The following ZNF804B variants were observed in gnomAD, a reference collection of about 807,000 sequenced individuals.
The protein encoded by ZNF804B is zinc finger protein 804B, also known as zinc finger 804B.
In ZNF804B, 80 loss-of-function variants were observed where a neutral mutation model predicts 101.4. The observed-to-expected ratio is 0.79, with a 90% confidence interval of 0.66 to 0.95. The LOEUF (loss-of-function observed/expected upper bound fraction) is 0.95, where lower values mean the gene tolerates loss of function less well. ZNF804B is among the 40% of genes least tolerant of loss of function. The pLI, the probability that ZNF804B is intolerant of heterozygous loss-of-function variation, is 0.00. For missense variants in ZNF804B, 1,673 were observed against 1,561.9 expected (o/e 1.07, Z -1.20); for synonymous variants, 622 against 558.8 (o/e 1.11, Z -1.59).
At chr7:89,247,419 A>G (rs1006591930) in intron 2 of ZNF804B, among the ~76,000 whole-genome samples, 1 of 152,178 alleles carries the variant, frequency 6.6e-6, no homozygotes, top group African/African-American at 2.4e-5. Flanking sequence ...TATAAGCACC[A>G]TCTACTGGCT....
intron 1 of ZNF804B, among the ~76,000 whole-genome samples, chr7:89,048,246 T>A (rs1417931846): frequency 6.6e-6 from 1 of 150,932 alleles, no homozygotes; most frequent in Non-Finnish European, 1.5e-5. Context: ...TACTCAGCTG[T>A]AAAAAGGAAT....
rs541826132 is a variant in ZNF804B, at chr7:89,058,333, A to G, written c.109-159822A>G. ...CCTTTATGGCTTCTTAATTGTTTAA[A>G]GATCATAAAACAGAAAATTTAGCAC... is the stretch of plus-strand genomic sequence containing the variant. On this transcript the variant is annotated intron_variant, in intron 1 of 3. Coordinates refer to ENST00000333190, the MANE Select transcript of ZNF804B (RefSeq NM_181646.5). Among the ~76,000 whole-genome samples the G allele has an allele frequency of 9.9e-5, 15 of 152,270 alleles. No homozygotes were observed. The East Asian group carries it at 2.9e-3, about 29-fold the overall frequency.
rs1285232926 is a variant in ZNF804B, at chr7:88,998,891, A to G, written c.109-219264A>G. On this transcript the variant is annotated intron_variant, in intron 1 of 3. Coordinates refer to ENST00000333190, the MANE Select transcript of ZNF804B (RefSeq NM_181646.5). ...TGCCAGCTGAAAATATTTCTCAGTA[A>G]AATAGGGCAAAAGGCTTTTACAATA... Among the ~76,000 whole-genome samples the G allele has an allele frequency of 2.0e-5, 3 of 152,026 alleles. No individual in the cohort carries two copies. In the East Asian group the frequency reaches 5.8e-4, roughly 30 times the overall value.
chr7:89,195,708 A>G (rs1788537473), intron 1 of ZNF804B, among the ~76,000 whole-genome samples: 1 of 152,036 alleles, frequency 6.6e-6, no homozygotes. Context: ...AGCAAATCTT[A>G]GGATGCAAAA....
chr7:89,102,278 T>C (rs1223447288), intron 1 of ZNF804B, among the ~76,000 whole-genome samples: 1 of 152,008 alleles, frequency 6.6e-6, no homozygotes, highest in East Asian at 1.9e-4. Flanking sequence ...GTTGAATTAA[T>C]TTGCATTCCC....
At chr7:88,962,580 G>T (rs563000640) in intron 1 of ZNF804B, among the ~76,000 whole-genome samples, 3 of 150,072 alleles carry the variant, frequency 2.0e-5, no homozygotes, top group Non-Finnish European at 3.0e-5. Flanking sequence ...TAAGAATTGG[G>T]GTCTAAGAAT....
At chr7:88,945,088 G>A (rs1562839938) in intron 1 of ZNF804B, among the ~76,000 whole-genome samples, 1 of 151,962 alleles carries the variant, frequency 6.6e-6, no homozygotes, top group Non-Finnish European at 1.5e-5. Flanking sequence ...AAGCTCTTTA[G>A]TTTAATTAGA....
chr7:89,243,685 C>G (rs147433741), intron 2 of ZNF804B, among the ~76,000 whole-genome samples: 1 of 151,442 alleles, frequency 6.6e-6, no homozygotes, highest in Non-Finnish European at 1.5e-5. Context: ...TATTTTCCAG[C>G]GAAGTTTGGA....
intron 2 of ZNF804B, among the ~76,000 whole-genome samples, chr7:89,325,144 C>T (rs549152272): frequency 6.6e-6 from 1 of 152,004 alleles, no homozygotes; most frequent in South Asian, 2.1e-4. Context: ...AGTTTCCTCA[C>T]AGAGATGCAT....
At chr7:89,321,208 C>T (rs187093364) in intron 2 of ZNF804B, among the ~76,000 whole-genome samples, 4 of 152,164 alleles carry the variant, frequency 2.6e-5, no homozygotes, top group South Asian at 4.1e-4. Flanking sequence ...CGGCCAGGCA[C>T]GTTGGCTCAC....
intron 1 of ZNF804B, among the ~76,000 whole-genome samples, chr7:89,098,676 A>G (rs1790006637): frequency 1.3e-5 from 2 of 152,208 alleles, no homozygotes; most frequent in South Asian, 4.1e-4. Context: ...ATAACTTTGG[A>G]TTCAAATTTC....
At chr7:88,924,843 G>C (rs6978970) in intron 1 of ZNF804B, among the ~76,000 whole-genome samples, 81,400 of 151,026 alleles carry the variant, frequency 0.54, 24,295 homozygotes, top group East Asian at 0.85. Context: ...TTGTGCCCCC[G>C]CACACCCAAC....
At chr7:89,160,517 A>G (rs1791042727) in intron 1 of ZNF804B, among the ~76,000 whole-genome samples, 1 of 152,206 alleles carries the variant, frequency 6.6e-6, no homozygotes, top group African/African-American at 2.4e-5. Flanking sequence ...ACTAAACGAA[A>G]TTAACATTTA....
chr7:89,180,015 C>A (rs574027973), intron 1 of ZNF804B, among the ~76,000 whole-genome samples: 1 of 152,274 alleles, frequency 6.6e-6, no homozygotes, highest in Admixed American at 6.5e-5. Context: ...GAGTCTCTTT[C>A]TCCATGCTAT....
intron 1 of ZNF804B, among the ~76,000 whole-genome samples, chr7:89,013,556 G>A (rs1788495963): frequency 6.6e-6 from 1 of 152,178 alleles, no homozygotes; most frequent in South Asian, 2.1e-4. Context: ...ACATAGTGAT[G>A]TTTTGATACA....
At chr7:88,804,739 A>T (rs773157776) in intron 1 of ZNF804B, among the ~76,000 whole-genome samples, 2 of 152,132 alleles carry the variant, frequency 1.3e-5, no homozygotes, top group Non-Finnish European at 2.9e-5. Context: ...TGTGTTATCG[A>T]TAAGCTAATA....
chr7:89,181,451 G>A (rs1788294037), intron 1 of ZNF804B, among the ~76,000 whole-genome samples: 1 of 152,182 alleles, frequency 6.6e-6, no homozygotes, highest in East Asian at 1.9e-4. Context: ...TATGCCTTGT[G>A]TTGCTTGCGC....
intron 2 of ZNF804B, among the ~76,000 whole-genome samples, chr7:89,320,328 A>G (rs565408400): frequency 1.8e-3 from 276 of 152,262 alleles, no homozygotes; most frequent in African/African-American, 6.3e-3. Flanking sequence ...TTAAAGTACT[A>G]TAAAAAAGAA....
intron 2 of ZNF804B, among the ~76,000 whole-genome samples, chr7:89,278,425 C>T (rs997688813): frequency 2.7e-5 from 4 of 150,232 alleles, no homozygotes; most frequent in Non-Finnish European, 4.4e-5. Context: ...AGTCCTTGCC[C>T]GTGCCTATGT....
Sources: allele counts gnomAD v4.1 joint callset (sites outside exome capture counted in the v4.1 genomes callset), GRCh38; gene constraint gnomAD v4.1.1; transcripts MANE v1.5; gene names NCBI Gene and HGNC (gene_info 2026-07-23, HGNC 2026-07-21).